The following WDCP variants were observed in gnomAD, a reference collection of about 807,000 sequenced individuals.
WDCP encodes the protein WD repeat and coiled coil containing.
In WDCP, 19 loss-of-function variants were observed where a neutral mutation model predicts 41.6. The ratio of observed to expected loss-of-function variants is 0.46; its 90% confidence interval spans 0.32 to 0.67. WDCP has a LOEUF of 0.67. Ranked by LOEUF, WDCP falls within the 30% of genes least tolerant of loss-of-function variation. WDCP has a pLI of 0.04. For missense variants in WDCP, 802 were observed against 850.7 expected, an observed-to-expected ratio of 0.94 and a Z score of 0.71; for synonymous variants, 302 against 320.8, an observed-to-expected ratio of 0.94 and a Z score of 0.63.
chr2:24,033,019 G>T, intron 2 of WDCP, 73 bp from the exon 3 acceptor site: 1 of 987,152 alleles, frequency 1.0e-6, no homozygotes, highest in Non-Finnish European at 1.6e-6. Context: ...AGAAAGGAAT[G>T]TGTAAATAGT....
intron 2 of WDCP, among the ~76,000 whole-genome samples, chr2:24,034,962 G>A (rs1436358797): frequency 6.6e-6 from 1 of 151,464 alleles, no homozygotes; most frequent in Non-Finnish European, 1.5e-5. Context: ...ATTATTGTTT[G>A]CAAGTAAAAT....
At chr2:24,035,760 A>C (rs965168597) in intron 2 of WDCP, among the ~76,000 whole-genome samples, 1 of 151,610 alleles carries the variant, frequency 6.6e-6, no homozygotes, top group African/African-American at 2.4e-5. Flanking sequence ...ATAGTTAAAA[A>C]AAAATTTTTT....
chr2:24,039,302 A>T lies in WDCP; in HGVS notation c.193T>A (p.Trp65Arg). The change falls in exon 2 of 4, where the codon TGG (tryptophan) becomes AGG (arginine). Residue 65 changes from tryptophan to arginine, a missense_variant. Trp to Arg is a moderately radical substitution (Grantham distance 101). Coordinates refer to ENST00000295148, the MANE Select transcript of WDCP (RefSeq NM_025203.3). ...GQFECVCGLS[W>R]APPVADDTPV... ...GTATCATCTGCAACAGGTGGGGCCCAGGACAACCCACAGACACATTCAAAC... is the reference window on the plus strand; with the variant it reads ...GTATCATCTGCAACAGGTGGGGCCCTGGACAACCCACAGACACATTCAAAC... 1 of 1,614,252 alleles carries T rather than the reference A, an allele frequency of 6.2e-7. No individual in the cohort carries two copies. The highest frequency in any genetic ancestry group is 8.5e-7 in the Non-Finnish European group (1 of 1,180,038).
intron 1 of WDCP, among the ~76,000 whole-genome samples, chr2:24,045,631 G>GGAAGGAAGGAAGGAAGGAAGGA (rs367897717): frequency 9.4e-6 from 1 of 106,134 alleles, no homozygotes; most frequent in Non-Finnish European, 1.8e-5. Context: ...GAGAGAGAGA[G>GGAAGGAAGGAAGGAAGGAAGGA]AGGAAGGAAG....
At chr2:24,047,215 CT>C (rs1663655165) in intron 1 of WDCP, 98 bp downstream of exon 1, 1 of 152,518 alleles carries the variant, frequency 6.6e-6, no homozygotes, top group Non-Finnish European at 1.5e-5. Flanking sequence ...GAATCTCCTC[CT>C]TCCCGCCCCC....
intron 2 of WDCP, among the ~76,000 whole-genome samples, chr2:24,035,120 G>A (rs1663204313): frequency 6.6e-6 from 1 of 151,466 alleles, no homozygotes; most frequent in African/African-American, 2.4e-5. Context: ...CTAAAGGTTG[G>A]ATTATGGAAA....
At chr2:24,041,716 GGTGGCAGGTGCCTGTAATCCCAGCTACT>G (rs1180851086) in intron 1 of WDCP, among the ~76,000 whole-genome samples, 1 of 151,852 alleles carries the variant, frequency 6.6e-6, no homozygotes, top group Non-Finnish European at 1.5e-5. Context: ...AGCTGGGCTC[GGTGGCAGGTGCCTGTAATCCCAGCTACT>G]CGGGAGGCTG....
chr2:24,046,323 AG>A (rs1663623927), intron 1 of WDCP, among the ~76,000 whole-genome samples: 1 of 152,202 alleles, frequency 6.6e-6, no homozygotes, highest in African/African-American at 2.4e-5. Context: ...AGGAGGACCA[AG>A]GTTTAAATGC....
chr2:24,039,963 A>G (rs1336995301), intron 1 of WDCP, among the ~76,000 whole-genome samples: 1 of 151,840 alleles, frequency 6.6e-6, no homozygotes, highest in East Asian at 1.9e-4. Context: ...AGGCCCAGCT[A>G]ATTTTTTTTT....
intron 1 of WDCP, among the ~76,000 whole-genome samples, chr2:24,047,057 T>C (rs972765515): frequency 5.3e-5 from 8 of 152,148 alleles, no homozygotes; most frequent in African/African-American, 1.9e-4. Context: ...TTCCTGACTT[T>C]GGATGACTTC....
chr2:24,046,408 G>C (rs181069232), intron 1 of WDCP, among the ~76,000 whole-genome samples: 1 of 152,174 alleles, frequency 6.6e-6, no homozygotes, highest in Non-Finnish European at 1.5e-5. Context: ...AATCTCCAGA[G>C]TATAAGTTTT....
chr2:24,041,437 C>T (rs1389686719), intron 1 of WDCP, among the ~76,000 whole-genome samples: 1 of 151,590 alleles, frequency 6.6e-6, no homozygotes, highest in Non-Finnish European at 1.5e-5. Flanking sequence ...GCATCATTAA[C>T]AATTTGGTGT....
chr2:24,033,130 C>G (rs756934522), intron 2 of WDCP, 184 bp from the exon 3 acceptor site: 75 of 689,466 alleles, frequency 1.1e-4, no homozygotes, highest in Non-Finnish European at 1.8e-4. Context: ...CCGAACAAAA[C>G]AGCCTTATTT....
intron 1 of WDCP, among the ~76,000 whole-genome samples, chr2:24,046,395 C>G (rs1206563342): frequency 2.0e-5 from 3 of 152,156 alleles, no homozygotes; most frequent in Non-Finnish European, 4.4e-5. Flanking sequence ...CCTATTGTTT[C>G]ACAATCTCCA....
intron 2 of WDCP, among the ~76,000 whole-genome samples, chr2:24,036,726 G>A (rs977069314): frequency 1.3e-5 from 2 of 152,194 alleles, no homozygotes; most frequent in Non-Finnish European, 2.9e-5. Flanking sequence ...CATACTCTCA[G>A]TATGAAGTAA....
At position 24,039,402 on chromosome 2, in the gene WDCP, C is replaced by A. The variant is rs1663355931; in HGVS notation, c.93G>T (p.Gly31=). ...GCAAATCAGTTAGGACAACTTGATTCCCATCGGTCCAGGCAAGGCCATGGA... is the reference window on the plus strand; with the variant it reads ...GCAAATCAGTTAGGACAACTTGATTACCATCGGTCCAGGCAAGGCCATGGA... The part of the protein sequence containing the change: ...HPIHGLAWTD[G]NQVVLTDLRL... Residue 31 remains glycine (G), a synonymous_variant, in exon 2 of 4, where the codon GGG becomes GGT. Transcript: ENST00000295148. 1.2e-6 allele frequency: 2 copies of A among 1,614,250 alleles called. No individual in the cohort carries two copies. Among genetic ancestry groups the A allele is most frequent in the East Asian group, 2.2e-5 (1 of 44,888 alleles).
intron 2 of WDCP, among the ~76,000 whole-genome samples, chr2:24,035,881 C>CA (rs1431138208): frequency 6.6e-6 from 1 of 151,444 alleles, no homozygotes; most frequent in Non-Finnish European, 1.5e-5. Context: ...TCATCCTGGC[C>CA]AACACGGTGA....
intron 3 of WDCP, among the ~76,000 whole-genome samples, 165 bp downstream of exon 3, chr2:24,032,664 G>C (rs1237476287): frequency 2.6e-5 from 4 of 152,100 alleles, no homozygotes; most frequent in African/African-American, 9.7e-5. Context: ...CTGGGCAACA[G>C]AGCAAGACCC....
chr2:24,032,379 G>A (rs1225975388), intron 3 of WDCP, among the ~76,000 whole-genome samples: 1 of 152,202 alleles, frequency 6.6e-6, no homozygotes, highest in Non-Finnish European at 1.5e-5. Context: ...GCGTGCGCCT[G>A]TAGTCCCAGC....
Sources: allele counts gnomAD v4.1 joint callset (sites outside exome capture counted in the v4.1 genomes callset), GRCh38; gene constraint gnomAD v4.1.1; transcripts MANE v1.5; gene names NCBI Gene and HGNC (gene_info 2026-07-23, HGNC 2026-07-21).